The following GRAMD2B variants were observed in gnomAD, a reference collection of about 807,000 sequenced individuals.
GRAMD2B encodes the protein GRAM domain-containing protein 2B.
GRAMD2B carries 41 observed loss-of-function variants against 59.2 expected under a neutral mutation model. The observed-to-expected ratio is 0.69, with a 90% CI of 0.54 to 0.90. GRAMD2B has a LOEUF of 0.90. Among genes scored for constraint, GRAMD2B ranks in the 40% least tolerant of loss-of-function variants. The pLI is 0.00. For missense variants in GRAMD2B, 424 were observed against 500.5 expected (o/e 0.85, Z 1.46); for synonymous variants, 161 against 182.7 (o/e 0.88, Z 0.96).
chr5:126,362,946 G>C (rs1213485234), intron 1 of GRAMD2B, among the ~76,000 whole-genome samples: 1 of 152,178 alleles, frequency 6.6e-6, no homozygotes, highest in Admixed American at 6.5e-5. Context: ...AATCGCAAGT[G>C]ATAAAAGAGA....
At chr5:126,472,498 G>A (rs1051012561) in intron 4 of GRAMD2B, among the ~76,000 whole-genome samples, 194 bp downstream of exon 4, 5 of 152,178 alleles carry the variant, frequency 3.3e-5, no homozygotes, top group African/African-American at 1.2e-4. Context: ...AGGAGAAAAA[G>A]AAACAGTTCT....
At position 126,423,712 on chromosome 5, in the gene GRAMD2B, C is replaced by G. The variant is rs200302458; in HGVS notation, c.83+23C>G. ...CCAGTGAGTATTCTCAGCTGGGACC[C>G]ATCCAAGGAGGTGGGAGGAGCGCAG... On this transcript the variant is annotated intron_variant, in intron 1 of 13. Transcript: ENST00000285689. 4.4e-6 allele frequency: 7 copies of G among 1,587,852 alleles called. No homozygotes were observed. The Admixed American group carries it at 1.3e-4, about 29-fold the overall frequency.
At chr5:126,451,632 CT>C (rs929634526) in intron 1 of GRAMD2B, among the ~76,000 whole-genome samples, 33 of 152,218 alleles carry the variant, frequency 2.2e-4, no homozygotes, top group African/African-American at 7.7e-4. Context: ...CAAGTTAAGA[CT>C]TTTGGGGACT....
chr5:126,442,815 T>G (rs990264269), intron 1 of GRAMD2B, among the ~76,000 whole-genome samples: 1 of 152,192 alleles, frequency 6.6e-6, no homozygotes, highest in Non-Finnish European at 1.5e-5. Flanking sequence ...AAGCTCATTG[T>G]AGAAACCTTG....
At chr5:126,419,070 A>AC (rs2149771170), upstream of GRAMD2B, among the ~76,000 whole-genome samples, 1 of 152,194 alleles carries the variant, frequency 6.6e-6, no homozygotes, top group African/African-American at 2.4e-5. Context: ...GTTAATAAAT[A>AC]CCCCACCACA....
At chr5:126,367,137 G>C (rs1486044941), upstream of GRAMD2B, among the ~76,000 whole-genome samples, 1 of 152,082 alleles carries the variant, frequency 6.6e-6, no homozygotes, top group South Asian at 2.1e-4. Flanking sequence ...GATTACAGGC[G>C]TGAGGCACCA....
intron 1 of GRAMD2B, among the ~76,000 whole-genome samples, chr5:126,461,816 T>A (rs1315220984): frequency 6.6e-6 from 1 of 152,026 alleles, no homozygotes; most frequent in Non-Finnish European, 1.5e-5. Context: ...AATAAATAAA[T>A]AAAAATAAAA....
chr5:126,371,315 A>G (rs1754739218), exon 1 of GRAMD2B: 4 of 1,135,730 alleles, frequency 3.5e-6, no homozygotes, highest in Non-Finnish European at 4.4e-6. Flanking sequence ...ATTGAGTCAC[A>G]TGAAGAAAGA....
chr5:126,414,105 C>A (rs1442706509), intron 1 of GRAMD2B, among the ~76,000 whole-genome samples: 3 of 152,108 alleles, frequency 2.0e-5, no homozygotes. Context: ...ACATCCAGTG[C>A]AGAAAAGTAA....
rs554842888 is a variant in GRAMD2B at position 126,383,479 on chromosome 5, C to T, written c.125+11912C>T. On this transcript the variant is annotated intron_variant, in intron 1 of 8. Transcript: ENST00000506445. The stretch of plus-strand genomic sequence containing the variant: ...CCAGCAGTAACAATAATCATCTCTT[C>T]TATTTGCACAGTGCCTTACTCATGG... Among the ~76,000 whole-genome samples the T allele has an allele frequency of 3.9e-4, 59 of 152,304 alleles. No homozygotes were observed. The South Asian group carries it at 7.1e-3, about 18-fold the overall frequency.
chr5:126,397,572 T>A (rs1757468088), intron 1 of GRAMD2B, among the ~76,000 whole-genome samples: 1 of 152,174 alleles, frequency 6.6e-6, no homozygotes, highest in South Asian at 2.1e-4. Context: ...TATTGACAGT[T>A]TTAATCATGA....
At chr5:126,452,030 A>G (rs916562077) in intron 1 of GRAMD2B, among the ~76,000 whole-genome samples, 9 of 152,094 alleles carry the variant, frequency 5.9e-5, no homozygotes, top group African/African-American at 2.2e-4. Flanking sequence ...TATGCTTCCT[A>G]GACAGCCTGC....
intron 1 of GRAMD2B, among the ~76,000 whole-genome samples, chr5:126,409,563 A>G (rs1163630458): frequency 6.6e-6 from 1 of 151,784 alleles, no homozygotes; most frequent in African/African-American, 2.4e-5. Context: ...AATTTGTTTG[A>G]GTTCATTGTA....
At chr5:126,485,901 G>T (rs996002599) in intron 11 of GRAMD2B, 128 bp downstream of exon 11, 3 of 596,130 alleles carry the variant, frequency 5.0e-6, no homozygotes, top group African/African-American at 3.9e-5. Flanking sequence ...TCTTTACTTT[G>T]ACAATTTCTG....
chr5:126,391,319 C>CAAAAAAAAAAAAAAAAAAA (rs61181985), intron 1 of GRAMD2B, among the ~76,000 whole-genome samples: 2,040 of 76,190 alleles, frequency 0.027, 415 homozygotes, highest in Non-Finnish European at 0.037. Context: ...GACTCCATCT[C>CAAAAAAAAAAAAAAAAAAA]AAAAAAAAAA....
chr5:126,478,679 T>C (rs148325333), intron 6 of GRAMD2B, among the ~76,000 whole-genome samples: 2,028 of 150,632 alleles, frequency 0.013, 30 homozygotes, highest in Non-Finnish European at 0.018. Context: ...AGACAGAGGT[T>C]GCAGTGAGCT....
At chr5:126,465,057 G>C in intron 1 of GRAMD2B, 1 of 1,034,098 alleles carries the variant, frequency 9.7e-7, no homozygotes, top group Non-Finnish European at 1.2e-6. Flanking sequence ...ACACCTGCAG[G>C]AGGCCACACG....
intron 1 of GRAMD2B, among the ~76,000 whole-genome samples, chr5:126,389,742 G>C (rs1454994952): frequency 1.3e-5 from 2 of 152,186 alleles, no homozygotes; most frequent in African/African-American, 4.8e-5. Context: ...GAAGTCAGGA[G>C]TTCAAGACCA....
At chr5:126,371,269 T>A (rs992978154), upstream of GRAMD2B, 5 of 1,098,664 alleles carry the variant, frequency 4.6e-6, no homozygotes, top group Non-Finnish European at 5.6e-6. Context: ...GATATGTTAA[T>A]CATTAACTGA....
Sources: gnomAD v4.1 joint callset for allele counts (sites outside exome capture counted in the v4.1 genomes callset) on GRCh38, gnomAD v4.1.1 for gene constraint, MANE v1.5 for transcripts, NCBI Gene and HGNC (gene_info 2026-07-23, HGNC 2026-07-21) for gene names.